Variants in OR1N2 observed in about 807,000 individuals in gnomAD.
OR1N2 encodes the protein olfactory receptor family 1 subfamily N member 2.
For missense variants in OR1N2, 358 were observed against 380.2 expected (o/e 0.94, Z 0.49); for synonymous variants, 152 against 149.3 (o/e 1.02, Z -0.13).
rs781672090 is a variant in OR1N2, at chr9:122,553,975, A to C, written c.764A>C (p.Tyr255Ser). The change falls in exon 1 of 1, where the codon TAT (tyrosine) becomes TCT (serine). Residue 255 changes from tyrosine (Y) to serine (S), a missense_variant. Tyr to Ser is a moderately radical substitution (Grantham distance 144, BLOSUM62 -2). Coordinates refer to ENST00000373688, the MANE Select transcript of OR1N2 (RefSeq NM_001004457.2). ...GSHLTVVLLF[Y>S]GSLMGVYLLP... ...CATCTCACGGTGGTTCTGCTCTTCTATGGGTCTCTTATGGGTGTGTATTTA... is the reference window on the plus strand; with the variant it reads ...CATCTCACGGTGGTTCTGCTCTTCTCTGGGTCTCTTATGGGTGTGTATTTA... The C allele has an allele frequency of 2.5e-6, 4 of 1,613,286 alleles. No individual in the cohort carries two copies. The highest frequency in any genetic ancestry group is 3.4e-6 in the Non-Finnish European group (4 of 1,179,572).
In OR1N2 at chr9:122,553,584, C is replaced by T. The variant is rs114238765; in HGVS notation, c.373C>T (p.Arg125Cys). 1.8e-3 allele frequency: 2,954 copies of T among 1,614,008 alleles called. 44 individuals carry two copies. The African/African-American group carries it at 0.034, about 18-fold the overall frequency. Reference protein sequence around the residue: ...NCLLAVMAYDRYVAICQPLHY... With the variant: ...NCLLAVMAYDCYVAICQPLHY... ...CCTGCTGGCTGTGATGGCATATGAC[C>T]GCTATGTGGCCATCTGCCAACCACT... The change falls in exon 1 of 1, where the codon CGC becomes TGC. Residue 125 changes from arginine to cysteine, a missense_variant. Coordinates refer to ENST00000373688, the MANE Select transcript of OR1N2 (RefSeq NM_001004457.2).
rs141375300 is a variant in OR1N2 at position 122,554,199 on chromosome 9, C to A, written c.*37C>A. 1.3e-6 allele frequency: 2 copies of A among 1,500,718 alleles called. No individual in the cohort carries two copies. The highest frequency in any genetic ancestry group is 1.4e-5 in the African/African-American group (1 of 71,906). 93.0% of individuals were successfully genotyped at this position (1,500,718 alleles called of 1,614,324 possible). A position where few individuals can be genotyped will look rare whatever the true frequency, so the allele number is the denominator to read the frequency against. On this transcript the variant is annotated 3_prime_UTR_variant, in exon 1 of 1. Transcript: ENST00000373688. ...GACGGTGATGTCTAATCTTGATCAA[C>A]CCCTCCCTGTCTTCCATCACTTCAG...
rs1356834352 is a variant in OR1N2, at chr9:122,553,541, T to C, written c.330T>C (p.Phe110=). The C allele has an allele frequency of 1.9e-6, 3 of 1,614,042 alleles. No homozygotes were observed. In the Admixed American group the frequency reaches 5.0e-5, roughly 27 times the overall value. ...CACAGCTATATTTCCTCCTTATGTT[T>C]GGTGGCCTTGACAACTGCCTGCTGG... is the stretch of plus-strand genomic sequence containing the variant. ...CLAQLYFLLM[F]GGLDNCLLAV... The change falls in exon 1 of 1, where the codon TTT becomes TTC. Residue 110 remains phenylalanine, a synonymous_variant. Transcript: ENST00000373688.
rs1359395953 is a variant in OR1N2 at position 122,553,896 on chromosome 9, T to A, written c.685T>A (p.Phe229Ile). 1.2e-6 allele frequency: 2 copies of A among 1,614,026 alleles called. No homozygotes were observed. Among genetic ancestry groups the A allele is most frequent in the East Asian group, 2.2e-5 (1 of 44,878 alleles). Residue 229 changes from phenylalanine to isoleucine, a missense_variant, in exon 1 of 1, where the codon TTT becomes ATT. Phe to Ile is a conservative substitution (Grantham distance 21, BLOSUM62 0). Coordinates refer to ENST00000373688, the MANE Select transcript of OR1N2 (RefSeq NM_001004457.2). ...FSYVRIFWAV[F>I]VISSPGGRWK... ...CTATGTCCGCATTTTCTGGGCTGTG[T>A]TTGTCATCTCATCTCCTGGAGGGAG...
chr9:122,553,660 T>C lies in OR1N2; in HGVS notation c.449T>C (p.Val150Ala). The change falls in exon 1 of 1, where the codon GTG (valine) becomes GCG (alanine). Residue 150 changes from valine to alanine, a missense_variant. Transcript: ENST00000373688. Reference sequence around the variant, plus strand: ...CAGCTCTGTGCACTAATGCTGGGTGTGTGCTGGGTGCTAACCAACTGTCCT... The same window carrying C: ...CAGCTCTGTGCACTAATGCTGGGTGCGTGCTGGGTGCTAACCAACTGTCCT... Reference protein sequence around the residue: ...SPQLCALMLGVCWVLTNCPAL... With the variant: ...SPQLCALMLGACWVLTNCPAL... 6.2e-7 allele frequency: 1 copy of C among 1,614,150 alleles called. No individual in the cohort carries two copies. The highest frequency in any genetic ancestry group is 8.5e-7 in the Non-Finnish European group (1 of 1,180,016).
chr9:122,553,603 A>G lies in OR1N2; in HGVS notation c.392A>G (p.Gln131Arg), dbSNP rs927652679. The change falls in exon 1 of 1, where the codon CAA becomes CGA. Residue 131 changes from glutamine to arginine, a missense_variant. By Grantham distance (43) the Gln-to-Arg change is conservative. Coordinates refer to ENST00000373688, the MANE Select transcript of OR1N2 (RefSeq NM_001004457.2). ...MAYDRYVAIC[Q>R]PLHYSTSMSP... ...TATGACCGCTATGTGGCCATCTGCC[A>G]ACCACTCCATTACAGCACATCTATG... 6 of 1,614,108 alleles carry G rather than the reference A, an allele frequency of 3.7e-6. No individual in the cohort carries two copies. The highest frequency in any genetic ancestry group is 5.1e-6 in the Non-Finnish European group (6 of 1,180,000).
rs1564195057 is a variant in OR1N2, at chr9:122,553,577, AT to A, written c.367del (p.Tyr123MetfsTer17). On this transcript the variant is annotated frameshift_variant, in exon 1 of 1. Coordinates refer to ENST00000373688, the MANE Select transcript of OR1N2 (RefSeq NM_001004457.2). LOFTEE classifies it low-confidence loss of function (END_TRUNC). Reference protein sequence around the residue: ...LDNCLLAVMAYDRYVAICQPL... With the variant: ...LDNCLLAVMAXDRYVAICQPL... ...ACAACTGCCTGCTGGCTGTGATGGC[AT>A]ATGACCGCTATGTGGCCATCTGCCA... 6.2e-7 allele frequency: 1 copy of A among 1,614,100 alleles called. No individual in the cohort carries two copies. Among genetic ancestry groups the A allele is most frequent in the Admixed American group, 1.7e-5 (1 of 60,014 alleles).
rs764211291 is a variant in OR1N2, at chr9:122,553,593, G to A, written c.382G>A (p.Ala128Thr). The A allele has an allele frequency of 6.2e-7, 1 of 1,614,062 alleles. No individual in the cohort carries two copies. The highest frequency in any genetic ancestry group is 1.1e-5 in the South Asian group (1 of 91,074). ...TGTGATGGCATATGACCGCTATGTG[G>A]CCATCTGCCAACCACTCCATTACAG... ...LAVMAYDRYVAICQPLHYSTS... is the reference protein window; with the variant it reads ...LAVMAYDRYVTICQPLHYSTS... The change falls in exon 1 of 1, where the codon GCC becomes ACC. Residue 128 changes from alanine to threonine, a missense_variant. By Grantham distance (58) the Ala-to-Thr change is moderately conservative (BLOSUM62 0). Transcript: ENST00000373688.
chr9:122,553,615 A>T lies in OR1N2; in HGVS notation c.404A>T (p.Tyr135Phe), dbSNP rs1213690465. The T allele has an allele frequency of 6.2e-7, 1 of 1,614,044 alleles. No individual in the cohort carries two copies. Among genetic ancestry groups the T allele is most frequent in the East Asian group, 2.2e-5 (1 of 44,864 alleles). Residue 135 changes from tyrosine to phenylalanine, a missense_variant, in exon 1 of 1, where the codon TAC (tyrosine) becomes TTC (phenylalanine). By Grantham distance (22) the Tyr-to-Phe change is conservative (BLOSUM62 3). Coordinates refer to ENST00000373688, the MANE Select transcript of OR1N2 (RefSeq NM_001004457.2). ...GTGGCCATCTGCCAACCACTCCATT[A>T]CAGCACATCTATGAGTCCCCAGCTC... is the stretch of plus-strand genomic sequence containing the variant. ...RYVAICQPLH[Y>F]STSMSPQLCA...
chr9:122,553,482 C>T lies in OR1N2; in HGVS notation c.271C>T (p.Gln91Ter). 6.2e-7 allele frequency: 1 copy of T among 1,614,114 alleles called. No homozygotes were observed. Among genetic ancestry groups the T allele is most frequent in the Non-Finnish European group, 8.5e-7 (1 of 1,179,992 alleles). Residue 91 changes from glutamine (Q) to a stop codon, truncating the protein, a stop_gained, in exon 1 of 1, where the codon CAG becomes TAG. Transcript: ENST00000373688. LOFTEE classifies it low-confidence loss of function (END_TRUNC). ...CAAAATGCTGGCCAACATTCATACC[C>T]AGAGTCAGATCATCTCGTATTCTGG... Reference protein sequence around the residue: ...IPKMLANIHTQSQIISYSGCL... With the variant: ...IPKMLANIHT
Position 122,553,451 on chromosome 9 carries a change from C to T in OR1N2, c.240C>T (p.Ser80=). 1 of 1,614,174 alleles carries T rather than the reference C, an allele frequency of 6.2e-7. No individual in the cohort carries two copies. Among genetic ancestry groups the T allele is most frequent in the Non-Finnish European group, 8.5e-7 (1 of 1,180,014 alleles). The change falls in exon 1 of 1, where the codon TCC becomes TCT. Residue 80 remains serine, a synonymous_variant. Coordinates refer to ENST00000373688, the MANE Select transcript of OR1N2 (RefSeq NM_001004457.2). The part of the protein sequence containing the change: ...SLTDACFTSA[S]IPKMLANIHT... ...CTGATGCCTGTTTCACTTCTGCCTC[C>T]ATCCCCAAAATGCTGGCCAACATTC...
In OR1N2 at chr9:122,554,099, G is replaced by T; in HGVS notation, c.888G>T (p.Arg296Ser). The change falls in exon 1 of 1, where the codon AGG (arginine) becomes AGT (serine). Residue 296 changes from arginine to serine, a missense_variant. Coordinates refer to ENST00000373688, the MANE Select transcript of OR1N2 (RefSeq NM_001004457.2). ...TAAACCCATTCATTTATAGCTTGAG[G>T]AACAGAGACATGAAGGAGGCTTTGG... ...PTLNPFIYSL[R>S]NRDMKEALGK... 6.2e-7 allele frequency: 1 copy of T among 1,613,680 alleles called. No homozygotes were observed. Among genetic ancestry groups the T allele is most frequent in the South Asian group, 1.1e-5 (1 of 91,026 alleles).
chr9:122,554,029 G>A lies in OR1N2; in HGVS notation c.818G>A (p.Arg273Lys). Residue 273 changes from arginine to lysine, a missense_variant, in exon 1 of 1, where the codon AGG becomes AAG. Physicochemically the swap from Arg to Lys is conservative, Grantham distance 26. Coordinates refer to ENST00000373688, the MANE Select transcript of OR1N2 (RefSeq NM_001004457.2). ...LLPPSTYSTE[R>K]ESRAAVLYMV... ...CCTCCATCAACTTACTCTACAGAGAGGGAAAGTAGGGCTGCTGTTCTCTAT... is the reference window on the plus strand; with the variant it reads ...CCTCCATCAACTTACTCTACAGAGAAGGAAAGTAGGGCTGCTGTTCTCTAT... The A allele has an allele frequency of 1.2e-6, 2 of 1,613,672 alleles. No homozygotes were observed. Among genetic ancestry groups the A allele is most frequent in the East Asian group, 2.2e-5 (1 of 44,884 alleles).
Position 122,553,913 on chromosome 9 carries a change from T to C in OR1N2, c.702T>C (p.Pro234=). 6.2e-7 allele frequency: 1 copy of C among 1,613,954 alleles called. No individual in the cohort carries two copies. The highest frequency in any genetic ancestry group is 8.5e-7 in the Non-Finnish European group (1 of 1,179,848). The change falls in exon 1 of 1, where the codon CCT becomes CCC. Residue 234 remains proline, a synonymous_variant. Coordinates refer to ENST00000373688, the MANE Select transcript of OR1N2 (RefSeq NM_001004457.2). ...GGGCTGTGTTTGTCATCTCATCTCC[T>C]GGAGGGAGATGGAAGGCCTTCTCTA... ...IFWAVFVISS[P]GGRWKAFSTC...
Position 122,553,186 on chromosome 9 carries a change from TGC to T in OR1N2, c.-23_-22del, listed in dbSNP as rs1829213555. On this transcript the variant is annotated 5_prime_UTR_variant, in exon 1 of 1. Transcript: ENST00000373688. ...TACTGACACATGGAAGGTTTTTATCTGCGCAGATCACACGAACTACAAGGGAT... is the reference window on the plus strand; with the variant it reads ...TACTGACACATGGAAGGTTTTTATCTGCAGATCACACGAACTACAAGGGAT... 2 of 1,606,936 alleles carry T rather than the reference TGC, an allele frequency of 1.2e-6. No homozygotes were observed. The highest frequency in any genetic ancestry group is 4.5e-5 in the East Asian group (2 of 44,796).
Position 122,553,592 on chromosome 9 carries a change from G to A in OR1N2, c.381G>A (p.Val127=), listed in dbSNP as rs1046009269. Residue 127 remains valine (V), a synonymous_variant, in exon 1 of 1, where the codon GTG becomes GTA. Coordinates refer to ENST00000373688, the MANE Select transcript of OR1N2 (RefSeq NM_001004457.2). Reference sequence around the variant, plus strand: ...CTGTGATGGCATATGACCGCTATGTGGCCATCTGCCAACCACTCCATTACA... The same window carrying A: ...CTGTGATGGCATATGACCGCTATGTAGCCATCTGCCAACCACTCCATTACA... ...LLAVMAYDRY[V]AICQPLHYST... 6.2e-7 allele frequency: 1 copy of A among 1,613,908 alleles called. No individual in the cohort carries two copies. Among genetic ancestry groups the A allele is most frequent in the African/African-American group, 1.3e-5 (1 of 74,872 alleles).
In OR1N2 at chr9:122,553,578, T is replaced by C; in HGVS notation, c.367T>C (p.Tyr123His). 1.2e-6 allele frequency: 2 copies of C among 1,614,052 alleles called. No individual in the cohort carries two copies. The highest frequency in any genetic ancestry group is 1.7e-6 in the Non-Finnish European group (2 of 1,179,956). The change falls in exon 1 of 1, where the codon TAT becomes CAT. Residue 123 changes from tyrosine (Y) to histidine (H), a missense_variant. Tyr to His is a moderately conservative substitution (Grantham distance 83). Coordinates refer to ENST00000373688, the MANE Select transcript of OR1N2 (RefSeq NM_001004457.2). ...LDNCLLAVMAYDRYVAICQPL... is the reference protein window; with the variant it reads ...LDNCLLAVMAHDRYVAICQPL... ...CAACTGCCTGCTGGCTGTGATGGCA[T>C]ATGACCGCTATGTGGCCATCTGCCA... is the stretch of plus-strand genomic sequence containing the variant.
rs767863496 is a variant in OR1N2 at position 122,553,493 on chromosome 9, C to G, written c.282C>G (p.Ile94Met). The G allele has an allele frequency of 6.2e-7, 1 of 1,613,926 alleles. No individual in the cohort carries two copies. Among genetic ancestry groups the G allele is most frequent in the South Asian group, 1.1e-5 (1 of 91,064 alleles). ...CCAACATTCATACCCAGAGTCAGATCATCTCGTATTCTGGGTGTCTTGCAC... is the reference window on the plus strand; with the variant it reads ...CCAACATTCATACCCAGAGTCAGATGATCTCGTATTCTGGGTGTCTTGCAC... ...MLANIHTQSQ[I>M]ISYSGCLAQL... The change falls in exon 1 of 1, where the codon ATC becomes ATG. Residue 94 changes from isoleucine to methionine, a missense_variant. Physicochemically the swap from Ile to Met is conservative, Grantham distance 10 (BLOSUM62 1). Transcript: ENST00000373688.
In OR1N2 at chr9:122,553,566, G is replaced by A; in HGVS notation, c.355G>A (p.Ala119Thr). ...TGGTGGCCTTGACAACTGCCTGCTG[G>A]CTGTGATGGCATATGACCGCTATGT... ...MFGGLDNCLL[A>T]VMAYDRYVAI... Residue 119 changes from alanine to threonine, a missense_variant, in exon 1 of 1, where the codon GCT becomes ACT. Ala to Thr is a moderately conservative substitution (Grantham distance 58, BLOSUM62 0). Coordinates refer to ENST00000373688, the MANE Select transcript of OR1N2 (RefSeq NM_001004457.2). The A allele has an allele frequency of 6.2e-7, 1 of 1,614,028 alleles. No homozygotes were observed. Among genetic ancestry groups the A allele is most frequent in the Non-Finnish European group, 8.5e-7 (1 of 1,180,012 alleles).
Sources: gnomAD v4.1 joint callset for allele counts on GRCh38, gnomAD v4.1.1 for gene constraint, MANE v1.5 for transcripts, NCBI Gene and HGNC (gene_info 2026-07-23, HGNC 2026-07-21) for gene names.